The following SNTG1 variants were observed in gnomAD, a reference collection of about 807,000 sequenced individuals.
SNTG1 encodes the protein syntrophin gamma 1, also known as gamma-1-syntrophin.
SNTG1 carries 39 observed loss-of-function variants against 74.7 expected under a neutral mutation model. The observed-to-expected ratio is 0.52, with a 90% CI of 0.40 to 0.68. The LOEUF is 0.68. SNTG1 is among the 30% of genes least tolerant of loss of function. SNTG1 has a pLI of 0.00. For synonymous variants in SNTG1, 254 were observed against 217.1 expected (o/e 1.17, Z -1.49); for missense variants, 685 against 609.5 (o/e 1.12, Z -1.30).
intron 15 of SNTG1, among the ~76,000 whole-genome samples, chr8:50,659,863 G>A (rs1396176997): frequency 6.6e-6 from 1 of 152,060 alleles, no homozygotes; most frequent in Non-Finnish European, 1.5e-5. Context: ...TTTTGGAGAT[G>A]GAGTCTTGCT....
intron 1 of SNTG1, among the ~76,000 whole-genome samples, chr8:49,938,644 C>CTTTCTTTCTTTCT (rs1585581971): frequency 5.5e-5 from 1 of 18,118 alleles, no homozygotes; most frequent in Admixed American, 7.5e-4. Context: ...TCTTTCTTTC[C>CTTTCTTTCTTTCT]TTCCTCTCTC....
intron 2 of SNTG1, among the ~76,000 whole-genome samples, chr8:50,282,849 C>T (rs1294726070): frequency 1.3e-5 from 2 of 152,140 alleles, no homozygotes; most frequent in Non-Finnish European, 2.9e-5. Flanking sequence ...TATGACATTC[C>T]ATCCAATCCT....
intron 1 of SNTG1, among the ~76,000 whole-genome samples, chr8:49,958,266 G>T (rs1263397403): frequency 6.6e-6 from 1 of 152,130 alleles, no homozygotes; most frequent in African/African-American, 2.4e-5. Context: ...CATCCAGCAG[G>T]GAGGCACATA....
At chr8:50,579,073 GA>G (rs1032024752) in intron 12 of SNTG1, among the ~76,000 whole-genome samples, 5 of 152,148 alleles carry the variant, frequency 3.3e-5, no homozygotes, top group African/African-American at 9.7e-5. Context: ...AAGTTGTGGG[GA>G]AGTTAGGAAC....
At chr8:50,062,471 C>G (rs1010302258) in intron 1 of SNTG1, among the ~76,000 whole-genome samples, 23 of 152,082 alleles carry the variant, frequency 1.5e-4, no homozygotes, top group African/African-American at 5.6e-4. Context: ...TGTCTTTCTG[C>G]TAAATTGATG....
At chr8:50,417,388 A>T (rs931751644) in intron 4 of SNTG1, among the ~76,000 whole-genome samples, 2 of 152,158 alleles carry the variant, frequency 1.3e-5, no homozygotes, top group African/African-American at 4.8e-5. Flanking sequence ...CACCTATGTG[A>T]TCCTCACACT....
At chr8:49,995,314 G>A (rs934993137) in intron 1 of SNTG1, among the ~76,000 whole-genome samples, 1 of 152,126 alleles carries the variant, frequency 6.6e-6, no homozygotes. Flanking sequence ...TTTTTAGGTG[G>A]CTTTTTAAAA....
chr8:49,920,533 C>T (rs1285108330), intron 1 of SNTG1, among the ~76,000 whole-genome samples: 1 of 151,948 alleles, frequency 6.6e-6, no homozygotes, highest in Non-Finnish European at 1.5e-5. Context: ...CTTTAGATTG[C>T]AGTAAATAAA....
At chr8:50,268,073 C>G (rs6991040) in intron 2 of SNTG1, among the ~76,000 whole-genome samples, 2,635 of 152,196 alleles carry the variant, frequency 0.017, 69 homozygotes, top group African/African-American at 0.05. Flanking sequence ...GGTTACATGA[C>G]GCAAGACCCA....
At position 50,379,225 on chromosome 8, in the gene SNTG1, A is replaced by T. The variant is rs554365682; in HGVS notation, c.-27-14987A>T. ...GAACAGCTGGGTGGGCTTCGACGGC[A>T]TCTGGGCTTGGCCCCGACTTTGCTC... is the stretch of plus-strand genomic sequence containing the variant. On this transcript the variant is annotated intron_variant, in intron 2 of 18. Transcript: ENST00000642720. Among the ~76,000 whole-genome samples the T allele has an allele frequency of 9.8e-5, 15 of 152,312 alleles. No homozygotes were observed. The South Asian group carries it at 2.9e-3, about 29-fold the overall frequency.
Position 50,421,052 on chromosome 8 carries a change from A to C in SNTG1, c.163-17491A>C, listed in dbSNP as rs11781133. 1.1e-3 allele frequency among the ~76,000 whole-genome samples: 18 copies of C among 17,130 alleles called. 3 individuals are homozygous for C. Among genetic ancestry groups the C allele is most frequent in the South Asian group, 6.9e-3 (2 of 288 alleles). The allele number at this position is 17,130 out of a possible 152,430, so 11.2% of individuals were successfully genotyped here. On this transcript the variant is annotated intron_variant, in intron 4 of 18. Coordinates refer to ENST00000642720, the MANE Select transcript of SNTG1 (RefSeq NM_018967.5). ...AAAAAAAAAAGGCGGTGGGCGGGGG[A>C]GGGGGGGGCGAAGATAAAGGGACAT...
At chr8:50,442,070 C>T (rs993609861) in intron 5 of SNTG1, among the ~76,000 whole-genome samples, 1 of 152,170 alleles carries the variant, frequency 6.6e-6, no homozygotes, top group Non-Finnish European at 1.5e-5. Context: ...AAAGCAGATG[C>T]CTTGACCAGG....
chr8:50,603,461 A>C (rs930199593), intron 13 of SNTG1, among the ~76,000 whole-genome samples: 1 of 152,170 alleles, frequency 6.6e-6, no homozygotes, highest in Non-Finnish European at 1.5e-5. Flanking sequence ...AGCTACTTTG[A>C]ATTTTCTTTG....
intron 18 of SNTG1, among the ~76,000 whole-genome samples, chr8:50,784,974 C>T (rs962305249): frequency 5.9e-5 from 9 of 152,060 alleles, no homozygotes; most frequent in East Asian, 1.9e-4. Flanking sequence ...AAAAAAATCA[C>T]GGTGAAATTA....
At chr8:50,778,643 T>G (rs1241841530) in intron 18 of SNTG1, among the ~76,000 whole-genome samples, 1 of 127,958 alleles carries the variant, frequency 7.8e-6, no homozygotes, top group Non-Finnish European at 1.5e-5. Context: ...TTTTCTCCCA[T>G]TTTGTAGGTT....
intron 15 of SNTG1, among the ~76,000 whole-genome samples, chr8:50,680,761 C>T (rs939825256): frequency 4.6e-5 from 7 of 152,126 alleles, no homozygotes; most frequent in East Asian, 1.9e-4. Context: ...CATTGGGCTG[C>T]GGCCCTGGAA....
At chr8:50,223,995 G>T (rs2085200297) in intron 2 of SNTG1, among the ~76,000 whole-genome samples, 1 of 151,824 alleles carries the variant, frequency 6.6e-6, no homozygotes, top group Non-Finnish European at 1.5e-5. Context: ...TAGTAAAATT[G>T]CCAGATACAA....
intron 13 of SNTG1, among the ~76,000 whole-genome samples, chr8:50,649,734 G>T (rs1240434312): frequency 6.6e-6 from 1 of 151,920 alleles, no homozygotes; most frequent in Admixed American, 6.6e-5. Context: ...TAATGCTCTT[G>T]CCCACTTTTC....
intron 2 of SNTG1, among the ~76,000 whole-genome samples, chr8:50,334,574 A>G (rs2091077263): frequency 1.3e-5 from 2 of 151,918 alleles, no homozygotes; most frequent in Admixed American, 1.3e-4. Flanking sequence ...TACTCATTTT[A>G]CCTTATTTCT....
Sources: allele counts gnomAD v4.1 joint callset (sites outside exome capture counted in the v4.1 genomes callset), GRCh38; gene constraint gnomAD v4.1.1; transcripts MANE v1.5; gene names NCBI Gene and HGNC (gene_info 2026-07-23, HGNC 2026-07-21).